The following ZFHX3 variants were observed in gnomAD, a reference collection of about 807,000 sequenced individuals.
ZFHX3 encodes zinc finger homeobox protein 3.
A neutral mutation model predicts 279.1 loss-of-function variants in ZFHX3; 42 were observed. The observed-to-expected ratio is 0.15, with a 90% CI of 0.12 to 0.19. The LOEUF (loss-of-function observed/expected upper bound fraction) is 0.19. Among genes scored for constraint, ZFHX3 ranks in the 10% least tolerant of loss-of-function variants. The pLI is 1.00. For missense variants in ZFHX3, 4,981 were observed against 4,754.0 expected (o/e 1.05, Z -1.40); for synonymous variants, 2,293 against 1,957.8 (o/e 1.17, Z -4.52).
intron 1 of ZFHX3, among the ~76,000 whole-genome samples, chr16:73,786,240 G>A (rs551807406): frequency 1.3e-5 from 2 of 152,002 alleles, no homozygotes; most frequent in South Asian, 4.2e-4. Context: ...TTGTGTCTCT[G>A]AATACTTTAA....
rs1002986750 is a variant in ZFHX3, at chr16:73,334,222, G to A, written c.-1290-15886C>T. ...GCCACGGAGGGTCACCAGCTTCATC[G>A]CTGCCTCTCTGCTGAGAATAAGCCA... is the stretch of plus-strand genomic sequence containing the variant. On this transcript the variant is annotated intron_variant, in intron 3 of 17. Transcript: ENST00000641206. Among the ~76,000 whole-genome samples, 5 of 152,122 alleles carry A rather than the reference G, an allele frequency of 3.3e-5. No homozygotes were observed. The South Asian group carries it at 1.0e-3, about 32-fold the overall frequency.
intron 4 of ZFHX3, among the ~76,000 whole-genome samples, chr16:72,877,491 T>C (rs2038343437): frequency 6.6e-6 from 1 of 152,184 alleles, no homozygotes; most frequent in Non-Finnish European, 1.5e-5. Context: ...GTGTCCAGCG[T>C]AGGAGGAGAA....
chr16:73,591,475 C>T (rs2051995546), intron 2 of ZFHX3, among the ~76,000 whole-genome samples: 3 of 151,778 alleles, frequency 2.0e-5, no homozygotes, highest in South Asian at 4.2e-4. Flanking sequence ...GGGTAGATCA[C>T]GAAGTCAGGA....
chr16:73,453,512 C>A (rs1276516514), intron 3 of ZFHX3, among the ~76,000 whole-genome samples: 1 of 152,188 alleles, frequency 6.6e-6, no homozygotes, highest in Admixed American at 6.5e-5. Flanking sequence ...GAGACGGTGT[C>A]AGAAAACAGA....
chr16:72,788,957 G>GAAGGATC, intron 9 of ZFHX3, 109 bp from the exon 10 acceptor site: 24 of 1,447,362 alleles, frequency 1.7e-5, no homozygotes, highest in Non-Finnish European at 2.1e-5. Flanking sequence ...GTCAAGGCTT[G>GAAGGATC]AAGGATCCTC....
Position 72,793,499 on chromosome 16 carries a change from G to A in ZFHX3, c.9183C>T (p.Asp3061=). The A allele has an allele frequency of 1.2e-6, 2 of 1,614,142 alleles. No homozygotes were observed. Among genetic ancestry groups the A allele is most frequent in the Non-Finnish European group, 8.5e-7 (1 of 1,180,040 alleles). ...CTGGGTCAAAGTATTCTTTCTCCTT[G>A]TCCAGCTGGCTTCCAATGGTGTCTT... ...KVKDTIGSQL[D]KEKEYFDPAT... The change falls in exon 9 of 10, where the codon GAC becomes GAT. Residue 3061 remains aspartate (D), a synonymous_variant. Transcript: ENST00000268489. This position sits in a 1 kb window ranked among gnomAD's most constrained non-coding sequence, Gnocchi z 4.3.
chr16:73,805,030 C>T (rs923959550), intron 1 of ZFHX3, among the ~76,000 whole-genome samples: 20 of 151,688 alleles, frequency 1.3e-4, no homozygotes, highest in African/African-American at 3.9e-4. Flanking sequence ...AATTCTTAAG[C>T]GAGTATACTT....
At chr16:73,882,117 A>G (rs1466198493) in intron 1 of ZFHX3, among the ~76,000 whole-genome samples, 1 of 152,312 alleles carries the variant, frequency 6.6e-6, no homozygotes, top group East Asian at 1.9e-4. Flanking sequence ...AAGACTAATT[A>G]GCTTTTAAAA....
At chr16:73,854,045 C>A (rs1407567649) in intron 1 of ZFHX3, among the ~76,000 whole-genome samples, 2 of 152,152 alleles carry the variant, frequency 1.3e-5, no homozygotes, top group Non-Finnish European at 2.9e-5. Context: ...ACAAAGCATA[C>A]AGCACAATTT....
At chr16:72,929,194 C>T (rs965850137) in intron 3 of ZFHX3, among the ~76,000 whole-genome samples, 1 of 149,908 alleles carries the variant, frequency 6.7e-6, no homozygotes, top group Admixed American at 6.6e-5. Flanking sequence ...GCCGAGATGG[C>T]GCCACTGCAC....
chr16:73,294,271 C>T (rs193251446), intron 4 of ZFHX3: 1 of 152,224 alleles, frequency 6.6e-6, no homozygotes, highest in Admixed American at 6.5e-5. Context: ...GTTTCTTAGC[C>T]TAGAAGGTTG....
chr16:72,998,431 A>C (rs561345177), intron 1 of ZFHX3, among the ~76,000 whole-genome samples: 1 of 152,324 alleles, frequency 6.6e-6, no homozygotes, highest in African/African-American at 2.4e-5. Flanking sequence ...AGGGGAAAAA[A>C]GAAACAGGTG....
chr16:73,093,038 A>G (rs1018947306), intron 8 of ZFHX3: 1 of 519,838 alleles, frequency 1.9e-6, no homozygotes, highest in East Asian at 5.5e-5. Context: ...CATCCTTTCA[A>G]ACATCTCTCT....
chr16:73,863,133 G>T (rs1018098893), intron 1 of ZFHX3, among the ~76,000 whole-genome samples: 4 of 152,202 alleles, frequency 2.6e-5, no homozygotes, highest in Non-Finnish European at 4.4e-5. Flanking sequence ...TTGAACCCGG[G>T]AGGCGGAGGT....
Position 72,798,537 on chromosome 16 carries a change from T to C in ZFHX3, c.4145A>G (p.Asn1382Ser). Reference sequence around the variant, plus strand: ...CTGAGGCCTCTTGGCATGCACTTCATTAAAATGCGTCTGAAGGGCAGCAGA... The same window carrying C: ...CTGAGGCCTCTTGGCATGCACTTCACTAAAATGCGTCTGAAGGGCAGCAGA... Reference protein sequence around the residue: ...KTSAALQTHFNEVHAKRPQLP... With the variant: ...KTSAALQTHFSEVHAKRPQLP... Residue 1382 changes from asparagine (N) to serine (S), a missense_variant, in exon 9 of 10, where the codon AAT becomes AGT. Asn to Ser is a conservative substitution (Grantham distance 46). Around this residue, in one of 7 missense-constraint regions of ZFHX3, gnomAD observed 1,751 missense variants for 1,770.0 expected, o/e 0.99. Transcript: ENST00000268489. 6.2e-7 allele frequency: 1 copy of C among 1,614,134 alleles called. No homozygotes were observed. Among genetic ancestry groups the C allele is most frequent in the Non-Finnish European group, 8.5e-7 (1 of 1,180,020 alleles).
chr16:73,374,457 G>A (rs961968711), intron 3 of ZFHX3, among the ~76,000 whole-genome samples: 1 of 152,002 alleles, frequency 6.6e-6, no homozygotes, highest in Non-Finnish European at 1.5e-5. Context: ...ACAAATCTCA[G>A]ACTTACCATT....
At chr16:72,982,847 G>A (rs532786266) in intron 1 of ZFHX3, among the ~76,000 whole-genome samples, 5 of 152,216 alleles carry the variant, frequency 3.3e-5, no homozygotes, top group African/African-American at 1.2e-4. Context: ...CTGACCACTC[G>A]GCTCAAAAGG....
chr16:73,763,227 T>C lies in ZFHX3; in HGVS notation c.-1607-82987A>G, dbSNP rs905571280. Reference sequence around the variant, plus strand: ...ATCCCTCTTGGCAACTGACCTATCATGTATTAAAGGCCTTGGAGAAGGCTG... The same window carrying C: ...ATCCCTCTTGGCAACTGACCTATCACGTATTAAAGGCCTTGGAGAAGGCTG... On this transcript the variant is annotated intron_variant, in intron 1 of 17. Coordinates refer to the ZFHX3 transcript ENST00000641206. 2.6e-5 allele frequency among the ~76,000 whole-genome samples: 4 copies of C among 152,298 alleles called. No individual in the cohort carries two copies. In the South Asian group the frequency reaches 6.2e-4, roughly 24 times the overall value.
intron 1 of ZFHX3, among the ~76,000 whole-genome samples, chr16:72,981,007 C>A (rs1187958149): frequency 2.6e-5 from 4 of 152,012 alleles, no homozygotes; most frequent in Non-Finnish European, 5.9e-5. Context: ...TCTAAAAGAA[C>A]AGCATTGACC....
Sources: gnomAD v4.1 joint callset for allele counts (sites outside exome capture counted in the v4.1 genomes callset) on GRCh38, gnomAD v4.1.1 for gene constraint, gnomAD v4.1.1 regional missense constraint, Gnocchi (gnomAD v3.1) non-coding constraint, MANE v1.5 for transcripts, NCBI Gene and HGNC (gene_info 2026-07-23, HGNC 2026-07-21) for gene names.